SRCAP: variants seen among roughly 807,000 people sequenced by gnomAD.
SRCAP encodes the protein chromatin remodeling protein SRCAP.
A neutral mutation model predicts 263.1 loss-of-function variants in SRCAP; 46 were observed. That is an observed-to-expected ratio of 0.17 (90% CI 0.14 to 0.22). The LOEUF is 0.22. Among genes scored for constraint, SRCAP ranks in the 10% least tolerant of loss-of-function variants. SRCAP has a pLI of 1.00. For missense variants in SRCAP, 3,695 were observed against 4,181.9 expected, an observed-to-expected ratio of 0.88 and a Z score of 3.21; for synonymous variants, 1,813 against 1,662.1, an observed-to-expected ratio of 1.09 and a Z score of -2.21.
Position 30,738,468 on chromosome 16 carries a change from G to A in SRCAP, c.8428G>A (p.Glu2810Lys). ...ESSPPIGGPCEAAPSSSLPTP... is the reference protein window; with the variant it reads ...ESSPPIGGPCKAAPSSSLPTP... ...CTCCCCTCCCATTGGTGGGCCCTGTGAAGCTGCTCCTTCATCCTCACTGCC... is the reference window on the plus strand; with the variant it reads ...CTCCCCTCCCATTGGTGGGCCCTGTAAAGCTGCTCCTTCATCCTCACTGCC... Residue 2810 changes from glutamate to lysine, a missense_variant, in exon 34 of 34, where the codon GAA (glutamate) becomes AAA (lysine). This residue lies in a region of SRCAP where 1,207 missense variants were observed against 1,142.9 expected (regional missense o/e 1.06). Transcript: ENST00000262518. 6.3e-7 allele frequency: 1 copy of A among 1,583,966 alleles called. No homozygotes were observed. Among genetic ancestry groups the A allele is most frequent in the Non-Finnish European group, 8.6e-7 (1 of 1,164,722 alleles).
chr16:30,716,592 AT>A, intron 18 of SRCAP, 113 bp downstream of exon 18: 1 of 928,028 alleles, frequency 1.1e-6, no homozygotes, highest in African/African-American at 1.7e-5. Flanking sequence ...CTCCCCTATC[AT>A]TCCCTTAGTT....
chr16:30,738,485 C>G lies in SRCAP; in HGVS notation c.8445C>G (p.Ser2815=). Residue 2815 remains serine, a synonymous_variant, in exon 34 of 34, where the codon TCC becomes TCG. Coordinates refer to ENST00000262518, the MANE Select transcript of SRCAP (RefSeq NM_006662.3). ...IGGPCEAAPS[S]SLPTPPQQPF... The stretch of plus-strand genomic sequence containing the variant: ...GGCCCTGTGAAGCTGCTCCTTCATC[C>G]TCACTGCCCACTCCACCCCAGCAGC... The G allele has an allele frequency of 6.3e-7, 1 of 1,599,082 alleles. No individual in the cohort carries two copies. The highest frequency in any genetic ancestry group is 1.1e-5 in the South Asian group (1 of 89,002).
At chr16:30,734,033 A>G (rs767416239) in intron 30 of SRCAP, 25 bp downstream of exon 30, 3 of 1,568,576 alleles carry the variant, frequency 1.9e-6, no homozygotes, top group South Asian at 2.3e-5. Flanking sequence ...CTTTTAGCCT[A>G]TGCAGGAGAA....
Position 30,721,398 on chromosome 16 carries a change from A to G in SRCAP, c.3463A>G (p.Thr1155Ala), listed in dbSNP as rs2053010228. ...CACTTCTACCACCACGGCAACTGCT[A>G]CCACCACAGCAGTGCCAGCTCCGAC... The part of the protein sequence containing the change: ...TTTSTTTATA[T>A]TTAVPAPTPA... The change falls in exon 21 of 34, where the codon ACC (threonine) becomes GCC (alanine). Residue 1155 changes from threonine (T) to alanine (A), a missense_variant. Thr to Ala is a moderately conservative substitution (Grantham distance 58). Transcript: ENST00000262518. The G allele has an allele frequency of 1.1e-5, 17 of 1,613,718 alleles. No individual in the cohort carries two copies. The highest frequency in any genetic ancestry group is 1.6e-4 in the Middle Eastern group (1 of 6,084).
rs1449633458 is a variant in SRCAP, at chr16:30,722,590, G to T, written c.3734G>T (p.Gly1245Val). 24 of 1,613,912 alleles carry T rather than the reference G, an allele frequency of 1.5e-5. No individual in the cohort carries two copies. The highest frequency in any genetic ancestry group is 1.6e-4 in the Middle Eastern group (1 of 6,082). The change falls in exon 23 of 34, where the codon GGG (glycine) becomes GTG (valine). Residue 1245 changes from glycine (G) to valine (V), a missense_variant. Gly to Val is a moderately radical substitution (Grantham distance 109, BLOSUM62 -3). Around this residue, in one of 12 missense-constraint regions of SRCAP, gnomAD observed 1,347 missense variants for 1,304.4 expected, o/e 1.03. Coordinates refer to ENST00000262518, the MANE Select transcript of SRCAP (RefSeq NM_006662.3). ...QRNVVHLVSA[G>V]GQHHLISQPA... ...AATGTGGTGCACCTCGTGTCAGCAG[G>T]GGGGCAGCACCATCTCATCAGCCAG...
At chr16:30,712,545 A>G in intron 13 of SRCAP, 106 bp downstream of exon 13, 3 of 1,517,484 alleles carry the variant, frequency 2.0e-6, no homozygotes, top group Admixed American at 4.1e-5. Context: ...GACTCCGGTC[A>G]TTAACTGTAT....
At chr16:30,725,408 T>C in intron 25 of SRCAP, 1 of 312,644 alleles carries the variant, frequency 3.2e-6, no homozygotes, top group South Asian at 3.6e-5. Context: ...GGTAGCTGTT[T>C]CTTTCCTGTA....
intron 4 of SRCAP, among the ~76,000 whole-genome samples, chr16:30,706,844 C>T (rs1166884564): frequency 6.6e-6 from 1 of 152,122 alleles, no homozygotes. Flanking sequence ...CCAAGTCTCT[C>T]CTATGTCTAT....
Position 30,710,999 on chromosome 16 carries a change from C to T in SRCAP, c.1229C>T (p.Ala410Val), listed in dbSNP as rs758444703. ...AATCTTGCTTCTGTCTCTTTCCTAGCGGAGGATGAAGAGGATACTATAGCA... is the reference window on the plus strand; with the variant it reads ...AATCTTGCTTCTGTCTCTTTCCTAGTGGAGGATGAAGAGGATACTATAGCA... Reference protein sequence around the residue: ...DEEFTANEEEAEDEEDTIAAE... With the variant: ...DEEFTANEEEVEDEEDTIAAE... Residue 410 changes from alanine to valine, a missense_variant and splice_region_variant, in exon 10 of 34, where the codon GCG becomes GTG. Around this residue, in one of 12 missense-constraint regions of SRCAP, gnomAD observed 288 missense variants for 302.4 expected, o/e 0.95. Coordinates refer to ENST00000262518, the MANE Select transcript of SRCAP (RefSeq NM_006662.3). 7 of 1,613,454 alleles carry T rather than the reference C, an allele frequency of 4.3e-6. No homozygotes were observed. Among genetic ancestry groups the T allele is most frequent in the South Asian group, 2.2e-5 (2 of 91,056 alleles).
Position 30,729,034 on chromosome 16 carries a change from G to A in SRCAP, c.5727G>A (p.Glu1909=). The change falls in exon 26 of 34, where the codon GAG becomes GAA. Residue 1909 remains glutamate (E), a synonymous_variant. Transcript: ENST00000262518. ...ERLERIFQLS[E]AHGALAPVYG... ...TGGAACGGATTTTCCAACTTAGTGAGGCTCATGGGGCCCTGGCACCTGTGT... is the reference window on the plus strand; with the variant it reads ...TGGAACGGATTTTCCAACTTAGTGAAGCTCATGGGGCCCTGGCACCTGTGT... 1 of 1,614,180 alleles carries A rather than the reference G, an allele frequency of 6.2e-7. No individual in the cohort carries two copies.
At position 30,724,783 on chromosome 16, in the gene SRCAP, A is replaced by G. The variant is rs767055843; in HGVS notation, c.5359A>G (p.Thr1787Ala). Residue 1787 changes from threonine (T) to alanine (A), a missense_variant, in exon 25 of 34, where the codon ACA (threonine) becomes GCA (alanine). Transcript: ENST00000262518. ...ACTCCTGGCCCCAGCTTCAGTGCAG[A>G]CACTGACCTTGAGCCCTGCCCCAGT... Reference protein sequence around the residue: ...ASLLAPASVQTLTLSPAPVPT... With the variant: ...ASLLAPASVQALTLSPAPVPT... 18 of 1,613,576 alleles carry G rather than the reference A, an allele frequency of 1.1e-5. No individual in the cohort carries two copies. Among genetic ancestry groups the G allele is most frequent in the Non-Finnish European group, 1.4e-5 (17 of 1,179,716 alleles).
rs1315963175 is a variant in SRCAP, at chr16:30,739,825, G to A, written c.*92G>A. On this transcript the variant is annotated 3_prime_UTR_variant, in exon 34 of 34. Coordinates refer to ENST00000262518, the MANE Select transcript of SRCAP (RefSeq NM_006662.3). Reference sequence around the variant, plus strand: ...TAACCACTACTTGAAGTCTTGAGGGGGAAAGCCTCCAGGGAGACATAGGGG... The same window carrying A: ...TAACCACTACTTGAAGTCTTGAGGGAGAAAGCCTCCAGGGAGACATAGGGG... 5.6e-6 allele frequency: 8 copies of A among 1,420,708 alleles called. No homozygotes were observed. Among genetic ancestry groups the A allele is most frequent in the Middle Eastern group, 2.6e-4 (1 of 3,812 alleles). The allele number at this position is 1,420,708 out of a possible 1,614,324, so 88.0% of individuals were successfully genotyped here. A position where few individuals can be genotyped will look rare whatever the true frequency, so the allele number is the denominator to read the frequency against.
rs528435570 is a variant in SRCAP at position 30,714,064 on chromosome 16, AT to A, written c.2493+372del. ...AGGCACCCGCCACAAAGCCTGGCTAATTTTTTTTTTTTTTTTTTTGAGACAG... is the reference window on the plus strand; with the variant it reads ...AGGCACCCGCCACAAAGCCTGGCTAATTTTTTTTTTTTTTTTTTGAGACAG... On this transcript the variant is annotated intron_variant, in intron 16 of 33. Coordinates refer to ENST00000262518, the MANE Select transcript of SRCAP (RefSeq NM_006662.3). 6.5e-3 allele frequency among the ~76,000 whole-genome samples: 795 copies of A among 123,126 alleles called. 3 individuals are homozygous for A. The highest frequency in any genetic ancestry group is 8.8e-3 in the African/African-American group (274 of 31,104). 80.8% of individuals were successfully genotyped at this position (123,126 alleles called of 152,430 possible). A position where few individuals can be genotyped will look rare whatever the true frequency, so the allele number is the denominator to read the frequency against.
At chr16:30,726,587 C>T (rs2053066763) in intron 25 of SRCAP, among the ~76,000 whole-genome samples, 1 of 151,540 alleles carries the variant, frequency 6.6e-6, no homozygotes, top group Non-Finnish European at 1.5e-5. Flanking sequence ...TTGGCACGGT[C>T]TTGGCTCACT....
chr16:30,702,652 C>T (rs904131056), intron 3 of SRCAP, among the ~76,000 whole-genome samples: 1 of 144,870 alleles, frequency 6.9e-6, no homozygotes, highest in African/African-American at 2.6e-5. Flanking sequence ...TCCCTCCTTC[C>T]TTCTGAGTGC....
Position 30,724,034 on chromosome 16 carries a change from T to G in SRCAP, c.4610T>G (p.Leu1537Trp), listed in dbSNP as rs1248157227. ...LAPTSSHVPG[L>W]NSTVAPACSP... is the part of the protein sequence containing the mutation. ...CCCACCTCTTCACATGTTCCAGGGT[T>G]GAACTCAACCGTGGCCCCAGCATGC... Residue 1537 changes from leucine to tryptophan, a missense_variant, in exon 25 of 34, where the codon TTG (leucine) becomes TGG (tryptophan). By Grantham distance (61) the Leu-to-Trp change is moderately conservative (BLOSUM62 -2). This residue lies in a region of SRCAP where 1,347 missense variants were observed against 1,304.4 expected (regional missense o/e 1.03). Coordinates refer to ENST00000262518, the MANE Select transcript of SRCAP (RefSeq NM_006662.3). 2 of 1,613,882 alleles carry G rather than the reference T, an allele frequency of 1.2e-6. No individual in the cohort carries two copies. Among genetic ancestry groups the G allele is most frequent in the East Asian group, 2.2e-5 (1 of 44,902 alleles).
chr16:30,737,831 G>C lies in SRCAP; in HGVS notation c.7791G>C (p.Glu2597Asp), dbSNP rs745444577. 17 of 1,614,160 alleles carry C rather than the reference G, an allele frequency of 1.1e-5. No individual in the cohort carries two copies. The Admixed American group carries it at 2.8e-4, about 27-fold the overall frequency. Residue 2597 changes from glutamate (E) to aspartate (D), a missense_variant, in exon 34 of 34, where the codon GAG becomes GAC. By Grantham distance (45) the Glu-to-Asp change is conservative. Coordinates refer to ENST00000262518, the MANE Select transcript of SRCAP (RefSeq NM_006662.3). ...PVAVEILPVSEKNLSLTPSAP... is the reference protein window; with the variant it reads ...PVAVEILPVSDKNLSLTPSAP... Reference sequence around the variant, plus strand: ...CTGTGGAGATCCTGCCTGTGTCAGAGAAGAACCTTTCTCTCACCCCTTCTG... The same window carrying C: ...CTGTGGAGATCCTGCCTGTGTCAGACAAGAACCTTTCTCTCACCCCTTCTG...
rs2053177515 is a variant in SRCAP at position 30,737,992 on chromosome 16, G to T, written c.7952G>T (p.Gly2651Val). 3 of 1,614,082 alleles carry T rather than the reference G, an allele frequency of 1.9e-6. No homozygotes were observed. The highest frequency in any genetic ancestry group is 4.5e-5 in the East Asian group (2 of 44,882). The part of the protein sequence containing the change: ...ELPLCVSESN[G>V]LELPPSAASD... ...CCCCTGTGTGTGAGTGAGAGCAATG[G>T]CCTGGAGCTCCCACCCTCAGCAGCA... is the stretch of plus-strand genomic sequence containing the variant. The change falls in exon 34 of 34, where the codon GGC becomes GTC. Residue 2651 changes from glycine (G) to valine (V), a missense_variant. Gly to Val is a moderately radical substitution (Grantham distance 109, BLOSUM62 -3). This residue lies in a region of SRCAP where 1,207 missense variants were observed against 1,142.9 expected (regional missense o/e 1.06). Coordinates refer to ENST00000262518, the MANE Select transcript of SRCAP (RefSeq NM_006662.3).
chr16:30,704,318 A>G lies in SRCAP; in HGVS notation c.306+3A>G. The G allele has an allele frequency of 6.3e-7, 1 of 1,587,988 alleles. No individual in the cohort carries two copies. ...AAATTGCAGAACAGGCCAAGCATGTACGTATTAGAAAGGCTTATGAAGATT... is the reference window on the plus strand; with the variant it reads ...AAATTGCAGAACAGGCCAAGCATGTGCGTATTAGAAAGGCTTATGAAGATT... On this transcript the variant is annotated splice_donor_region_variant and intron_variant, in intron 4 of 33. Transcript: ENST00000262518.
Sources: allele counts gnomAD v4.1 joint callset (sites outside exome capture counted in the v4.1 genomes callset), GRCh38; gene constraint gnomAD v4.1.1; regional missense constraint gnomAD v4.1.1; transcripts MANE v1.5; gene names NCBI Gene and HGNC (gene_info 2026-07-23, HGNC 2026-07-21).